The following DPP6 variants were observed in gnomAD, a reference collection of about 807,000 sequenced individuals.
DPP6 encodes A-type potassium channel modulatory protein DPP6.
A neutral mutation model predicts 122.6 loss-of-function variants in DPP6; 69 were observed. That is an observed-to-expected ratio of 0.56 (90% CI 0.46 to 0.69). DPP6 has a LOEUF of 0.69. Among genes scored for constraint, DPP6 ranks in the 30% least tolerant of loss-of-function variants. The probability of loss-of-function intolerance (pLI) is 0.00; values close to 1 mark genes in which losing one functional copy is unlikely to be tolerated. For missense variants in DPP6, 928 were observed against 1,116.9 expected (o/e 0.83, Z 2.41); for synonymous variants, 418 against 433.1 (o/e 0.97, Z 0.43).
intron 1 of DPP6, among the ~76,000 whole-genome samples, chr7:154,098,991 G>C (rs1027104411): frequency 6.6e-6 from 1 of 152,152 alleles, no homozygotes; most frequent in African/African-American, 2.4e-5. Flanking sequence ...AATTTGTTTT[G>C]CAAACAATCA....
rs1011116434 is a variant in DPP6, at chr7:154,725,954, G to T, written c.763-1813G>T. ...AGGCCACATGCAAGTCTGAAACCCA[G>T]CAGGGCAGTCATTAGATCTTAAAGC... On this transcript the variant is annotated intron_variant, in intron 7 of 25. Transcript: ENST00000377770. Among the ~76,000 whole-genome samples the T allele has an allele frequency of 2.0e-5, 3 of 152,168 alleles. No homozygotes were observed. The South Asian group carries it at 6.2e-4, about 32-fold the overall frequency.
At chr7:154,844,547 T>C (rs186520780) in intron 16 of DPP6, among the ~76,000 whole-genome samples, 1 of 152,346 alleles carries the variant, frequency 6.6e-6, no homozygotes, top group Admixed American at 6.5e-5. Context: ...TATTTTGATT[T>C]AGATGTTTTC....
At chr7:154,681,324 G>A (rs974853419) in intron 7 of DPP6, among the ~76,000 whole-genome samples, 2 of 152,122 alleles carry the variant, frequency 1.3e-5, no homozygotes, top group Non-Finnish European at 2.9e-5. Context: ...CATCAGCCTC[G>A]GCAATATTAG....
rs374493910 is a variant in DPP6, at chr7:154,797,684, G to T, written c.1299+1801G>T. Among the ~76,000 whole-genome samples, 13 of 152,304 alleles carry T rather than the reference G, an allele frequency of 8.5e-5. No homozygotes were observed. The East Asian group carries it at 1.2e-3, about 14-fold the overall frequency. On this transcript the variant is annotated intron_variant, in intron 12 of 25. Coordinates refer to ENST00000377770, the MANE Select transcript of DPP6 (RefSeq NM_130797.4). Reference sequence around the variant, plus strand: ...TTAATGAACAGGGGTTTATTTTGGGGTGGTGGAAATGTTTTGGAACTAGAT... The same window carrying T: ...TTAATGAACAGGGGTTTATTTTGGGTTGGTGGAAATGTTTTGGAACTAGAT...
the DPP6 span, among the ~76,000 whole-genome samples, chr7:153,752,964 C>T: frequency 1.3e-5 from 2 of 152,064 alleles, no homozygotes; most frequent in African/African-American, 2.4e-5. Flanking sequence ...TAACAGTTTG[C>T]ATATAGTAAG....
At chr7:154,191,277 G>A (rs1276805963) in intron 1 of DPP6, among the ~76,000 whole-genome samples, 1 of 152,226 alleles carries the variant, frequency 6.6e-6, no homozygotes, top group Admixed American at 6.5e-5. Context: ...TTAATGGAAA[G>A]AAGACTGCTA....
chr7:154,867,886 C>A, intron 17 of DPP6, 109 bp from the exon 18 acceptor site: 1 of 1,388,400 alleles, frequency 7.2e-7, no homozygotes, highest in South Asian at 1.7e-5. Context: ...TAATAATCAC[C>A]TCTGAGGCTG....
At chr7:154,409,767 C>T (rs1816438553) in intron 1 of DPP6, among the ~76,000 whole-genome samples, 1 of 152,190 alleles carries the variant, frequency 6.6e-6, no homozygotes. Flanking sequence ...CATTAAAAAA[C>T]CAAGACCTAT....
chr7:154,266,741 C>A (rs1803446093), intron 1 of DPP6, among the ~76,000 whole-genome samples: 1 of 152,148 alleles, frequency 6.6e-6, no homozygotes, highest in South Asian at 2.1e-4. Flanking sequence ...AATGATTCCA[C>A]CAGAGGTTCT....
chr7:154,140,238 T>C (rs1158598787), intron 1 of DPP6, among the ~76,000 whole-genome samples: 2 of 152,218 alleles, frequency 1.3e-5, no homozygotes, highest in Non-Finnish European at 2.9e-5. Context: ...AAAAGGGCCA[T>C]ATCTGATTAA....
At chr7:154,097,525 A>G (rs556205477) in intron 1 of DPP6, among the ~76,000 whole-genome samples, 2 of 152,396 alleles carry the variant, frequency 1.3e-5, no homozygotes, top group East Asian at 3.9e-4. Flanking sequence ...TGTACTCCAG[A>G]TGATTTTGCT....
the DPP6 span, among the ~76,000 whole-genome samples, chr7:153,757,562 G>A: frequency 1.3e-5 from 2 of 152,110 alleles, no homozygotes; most frequent in Non-Finnish European, 2.9e-5. Flanking sequence ...CAGGTGGGTG[G>A]GCACCGCTCT....
At chr7:154,426,351 T>A (rs780076873) in intron 1 of DPP6, among the ~76,000 whole-genome samples, 6 of 152,208 alleles carry the variant, frequency 3.9e-5, no homozygotes, top group Non-Finnish European at 7.3e-5. Flanking sequence ...CGAAAGAACT[T>A]TTATAGCACA....
intron 1 of DPP6, among the ~76,000 whole-genome samples, chr7:154,290,171 ATTAT>A (rs1805114080): frequency 6.6e-6 from 1 of 152,214 alleles, no homozygotes; most frequent in African/African-American, 2.4e-5. Context: ...CTGGAAGAGA[ATTAT>A]TTATGTTGCT....
chr7:154,880,933 G>T lies in DPP6; in HGVS notation c.2124G>T (p.Val708=). Residue 708 remains valine, a synonymous_variant, in exon 21 of 26, where the codon GTG becomes GTT. Coordinates refer to ENST00000377770, the MANE Select transcript of DPP6 (RefSeq NM_130797.4). ...EQYIDRTRVA[V]FGKDYGGYLS... ...ACATTGACAGGACGCGCGTGGCCGT[G>T]TTTGGGAAGGTGAGTCTGCGCCACC... The T allele has an allele frequency of 6.2e-7, 1 of 1,613,966 alleles. No homozygotes were observed. The highest frequency in any genetic ancestry group is 8.5e-7 in the Non-Finnish European group (1 of 1,179,884).
At chr7:153,887,623 C>CA in exon 1 of DPP6, 1 of 1,595,932 alleles carries the variant, frequency 6.3e-7, no homozygotes, top group Admixed American at 1.7e-5. Context: ...TAATCCTCAC[C>CA]AGGACAATGG....
At chr7:154,088,243 C>G (rs1357483388) in intron 1 of DPP6, among the ~76,000 whole-genome samples, 1 of 151,760 alleles carries the variant, frequency 6.6e-6, no homozygotes, top group Non-Finnish European at 1.5e-5. Flanking sequence ...TGCCTAATAT[C>G]CCCACTTCTG....
rs143235133 is a variant in DPP6, at chr7:154,484,801, T to C, written c.457+9764T>C. ...AGAGAGACTGTAAAATTGAAGAAAA[T>C]TGCTTCCTTTGAATGGAGGAAAATA... On this transcript the variant is annotated intron_variant, in intron 3 of 25. Transcript: ENST00000377770. 6.6e-5 allele frequency among the ~76,000 whole-genome samples: 10 copies of C among 152,210 alleles called. No individual in the cohort carries two copies. In the East Asian group the frequency reaches 1.7e-3, roughly 26 times the overall value.
chr7:153,849,555 C>CT, the DPP6 span, among the ~76,000 whole-genome samples: 214 of 151,932 alleles, frequency 1.4e-3, 1 homozygote, highest in Non-Finnish European at 6.3e-4. Flanking sequence ...TTTTATCCAT[C>CT]TTTTTTTTGA....
Sources: gnomAD v4.1 joint callset for allele counts (sites outside exome capture counted in the v4.1 genomes callset) on GRCh38, gnomAD v4.1.1 for gene constraint, MANE v1.5 for transcripts, NCBI Gene and HGNC (gene_info 2026-07-23, HGNC 2026-07-21) for gene names.